The following ZXDC variants were observed in gnomAD, a reference collection of about 807,000 sequenced individuals.
ZXDC encodes the protein ZXD family zinc finger C, also known as zinc finger protein ZXDC.
A neutral mutation model predicts 63.6 loss-of-function variants in ZXDC; 58 were observed. The ratio of observed to expected loss-of-function variants is 0.91; its 90% CI spans 0.74 to 1.13. The LOEUF (loss-of-function observed/expected upper bound fraction) is 1.13. Ranked by LOEUF, ZXDC falls within the 50% of genes most tolerant of loss-of-function variation. The probability of loss-of-function intolerance (pLI) is 0.00; values close to 1 mark genes in which losing one functional copy is unlikely to be tolerated. For synonymous variants in ZXDC, 561 were observed against 496.1 expected (o/e 1.13, Z -1.74); for missense variants, 1,133 against 1,148.9 (o/e 0.99, Z 0.20).
chr3:126,439,511 A>C lies in ZXDC; in HGVS notation c.2490+121T>G, dbSNP rs538322947. On this transcript the variant is annotated intron_variant, in intron 9 of 9. Coordinates refer to ENST00000389709, the MANE Select transcript of ZXDC (RefSeq NM_025112.5). Reference sequence around the variant, plus strand: ...AGCAAGACATCCTGGCAACCAACCCACTGAGCCTCCCAAGCCACGCGGCCT... The same window carrying C: ...AGCAAGACATCCTGGCAACCAACCCCCTGAGCCTCCCAAGCCACGCGGCCT... 3.2e-5 allele frequency: 49 copies of C among 1,520,270 alleles called. No individual in the cohort carries two copies. In the South Asian group the frequency reaches 5.6e-4, roughly 17 times the overall value. The allele number at this position is 1,520,270 out of a possible 1,614,324, so 94.2% of individuals were successfully genotyped here.
chr3:126,468,876 T>C (rs1030851848), intron 4 of ZXDC, among the ~76,000 whole-genome samples: 5 of 152,190 alleles, frequency 3.3e-5, no homozygotes, highest in African/African-American at 1.2e-4. Flanking sequence ...ACTGTGCTGT[T>C]GCTGGTCCTG....
chr3:126,444,434 A>T (rs1291350297), intron 7 of ZXDC, among the ~76,000 whole-genome samples: 1 of 152,102 alleles, frequency 6.6e-6, no homozygotes, highest in African/African-American at 2.4e-5. Flanking sequence ...CGGGAGGCTG[A>T]GGCAGGAGAA....
At position 126,474,962 on chromosome 3, in the gene ZXDC, G is replaced by T. The variant is rs1214635508; in HGVS notation, c.904C>A (p.Pro302Thr). The T allele has an allele frequency of 4.5e-6, 7 of 1,571,250 alleles. No individual in the cohort carries two copies. The highest frequency in any genetic ancestry group is 6.0e-6 in the Non-Finnish European group (7 of 1,157,530). ...EPERPYKCDF[P>T]GCEKTFITVS... ...CCGCCCCCGAGAGCGCGGTTACCGGGAAAGTCACACTTGTAAGGGCGCTCG... is the reference window on the plus strand; with the variant it reads ...CCGCCCCCGAGAGCGCGGTTACCGGTAAAGTCACACTTGTAAGGGCGCTCG... Residue 302 changes from proline to threonine, a missense_variant, in exon 1 of 10, where the codon CCC becomes ACC. Physicochemically the swap from Pro to Thr is conservative, Grantham distance 38. Transcript: ENST00000389709.
chr3:126,455,352 G>C (rs1340269335), intron 7 of ZXDC, among the ~76,000 whole-genome samples: 3 of 152,144 alleles, frequency 2.0e-5, no homozygotes, highest in African/African-American at 7.2e-5. Flanking sequence ...AGCACAGCGT[G>C]GGTTAACATA....
chr3:126,460,536 AGGCACCGAGGCACACAGTCCT>A (rs1426111713), intron 6 of ZXDC: 1 of 985,266 alleles, frequency 1.0e-6, no homozygotes, highest in East Asian at 1.1e-4. Context: ...CCATTTCCCA[AGGCACCGAGGCACACAGTCCT>A]GGCACCAGGG....
chr3:126,461,856 C>T lies in ZXDC; in HGVS notation c.1806G>A (p.Gln602=). 1 of 1,614,212 alleles carries T rather than the reference C, an allele frequency of 6.2e-7. No individual in the cohort carries two copies. Among genetic ancestry groups the T allele is most frequent in the Middle Eastern group, 1.6e-4 (1 of 6,062 alleles). The change falls in exon 6 of 10, where the codon CAG becomes CAA. Residue 602 remains glutamine (Q), a synonymous_variant. Transcript: ENST00000389709. ...QQGSFSVDDV[Q]TVSAGALGCL... is the part of the protein sequence containing the mutation. Reference sequence around the variant, plus strand: ...AGCCTAATGCTCCTGCACTCACAGTCTGCACGTCATCCACACTGAAGCTGC... The same window carrying T: ...AGCCTAATGCTCCTGCACTCACAGTTTGCACGTCATCCACACTGAAGCTGC...
chr3:126,448,284 G>A (rs1933958978), intron 7 of ZXDC, among the ~76,000 whole-genome samples: 1 of 152,212 alleles, frequency 6.6e-6, no homozygotes, highest in Admixed American at 6.5e-5. Flanking sequence ...AGTATGTACT[G>A]TATCTTCACC....
At chr3:126,441,512 C>G (rs184053388) in intron 8 of ZXDC, 6 of 1,268,138 alleles carry the variant, frequency 4.7e-6, no homozygotes, top group Non-Finnish European at 5.9e-6. Flanking sequence ...TGTGCACAGA[C>G]AGGTTCAGGA....
chr3:126,452,006 A>G lies in ZXDC; in HGVS notation c.2212+7647T>C, dbSNP rs374295759. On this transcript the variant is annotated intron_variant, in intron 7 of 9. Transcript: ENST00000389709. Reference sequence around the variant, plus strand: ...GAAAAACCTTTAACCTCTCATCTTCATTCTTTATTCTGTATGGAATTCTAA... The same window carrying G: ...GAAAAACCTTTAACCTCTCATCTTCGTTCTTTATTCTGTATGGAATTCTAA... 397 of 985,260 alleles carry G rather than the reference A, an allele frequency of 4.0e-4. 6 individuals carry two copies. In the South Asian group the frequency reaches 0.017, roughly 41 times the overall value. 61.0% of individuals were successfully genotyped at this position (985,260 alleles called of 1,614,324 possible). A position where few individuals can be genotyped will look rare whatever the true frequency, so the allele number is the denominator to read the frequency against.
At position 126,472,010 on chromosome 3, in the gene ZXDC, TC is replaced by T; in HGVS notation, c.1101del (p.Trp367Ter). On this transcript the variant is annotated frameshift_variant, in exon 3 of 10. Transcript: ENST00000389709. LOFTEE classifies it high-confidence loss of function. ...PFICDSDSCG[W>X]TFTSMSKLLR... ...AGAAGTTTGGACATGCTGGTGAAGG[TC>T]CAGCCACAGCTGTCAGAGTCACAAA... 6.2e-7 allele frequency: 1 copy of T among 1,613,750 alleles called. No homozygotes were observed. Among genetic ancestry groups the T allele is most frequent in the Non-Finnish European group, 8.5e-7 (1 of 1,179,890 alleles).
At chr3:126,470,577 C>T (rs776862989) in intron 4 of ZXDC, among the ~76,000 whole-genome samples, 1 of 152,186 alleles carries the variant, frequency 6.6e-6, no homozygotes, top group South Asian at 2.1e-4. Context: ...TTACTGAGTC[C>T]GAGCTCCATG....
intron 7 of ZXDC, chr3:126,454,808 A>T: frequency 1.0e-6 from 1 of 985,454 alleles, no homozygotes; most frequent in Non-Finnish European, 1.2e-6. Flanking sequence ...TCATTTCAAG[A>T]ATAAAACTTG....
chr3:126,457,371 G>A (rs1054414693), intron 7 of ZXDC: 13 of 985,276 alleles, frequency 1.3e-5, no homozygotes, highest in Admixed American at 6.1e-5. Flanking sequence ...CCATGGGCGC[G>A]GGAAGACACC....
At chr3:126,468,248 C>T (rs1237665740) in intron 4 of ZXDC, among the ~76,000 whole-genome samples, 2 of 152,100 alleles carry the variant, frequency 1.3e-5, no homozygotes, top group Admixed American at 6.5e-5. Flanking sequence ...GAGGCCGCAA[C>T]GAGGCCACCC....
intron 1 of ZXDC, among the ~76,000 whole-genome samples, chr3:126,472,804 T>C (rs145709034): frequency 6.6e-6 from 1 of 152,208 alleles, no homozygotes; most frequent in Non-Finnish European, 1.5e-5. Flanking sequence ...GCCAGCCCTG[T>C]CCCTTGCTGT....
At chr3:126,440,877 C>A in intron 8 of ZXDC, 1 of 985,692 alleles carries the variant, frequency 1.0e-6, no homozygotes, top group Non-Finnish European at 1.2e-6. Flanking sequence ...GTTTCCTTGG[C>A]GAGACTCTCC....
intron 7 of ZXDC, chr3:126,457,617 T>G: frequency 1.0e-6 from 1 of 985,454 alleles, no homozygotes; most frequent in Non-Finnish European, 1.2e-6. Context: ...CACTGCAGGA[T>G]GCTAAGAAAC....
In ZXDC at chr3:126,471,140, C is replaced by A. The variant is rs939661850; in HGVS notation, c.1140-115G>T. The A allele has an allele frequency of 2.4e-5, 33 of 1,391,718 alleles. No homozygotes were observed. In the African/African-American group the frequency reaches 3.6e-4, roughly 15 times the overall value. The allele number at this position is 1,391,718 out of a possible 1,614,324, so 86.2% of individuals were successfully genotyped here. ...TTTGCATTTACAAAAATGATCAGTA[C>A]ATTTCGGAAAATCTTAATTCTGTCT... On this transcript the variant is annotated intron_variant, in intron 3 of 9. Coordinates refer to ENST00000389709, the MANE Select transcript of ZXDC (RefSeq NM_025112.5).
intron 7 of ZXDC, among the ~76,000 whole-genome samples, chr3:126,449,028 G>A (rs1338848521): frequency 1.3e-5 from 2 of 152,172 alleles, no homozygotes; most frequent in East Asian, 3.9e-4. Flanking sequence ...CACAGGGTAT[G>A]GCATAGGGCA....
Sources: allele counts gnomAD v4.1 joint callset (sites outside exome capture counted in the v4.1 genomes callset), GRCh38; gene constraint gnomAD v4.1.1; transcripts MANE v1.5; gene names NCBI Gene and HGNC (gene_info 2026-07-23, HGNC 2026-07-21).